UQCC1: variants seen among roughly 807,000 people sequenced by gnomAD.
UQCC1 encodes the protein ubiquinol-cytochrome c reductase complex assembly factor 1, also known as bFGF-repressed Zic-binding protein.
UQCC1 carries 38 observed loss-of-function variants against 48.0 expected under a neutral mutation model. The ratio of observed to expected loss-of-function variants is 0.79; its 90% CI spans 0.61 to 1.04. The LOEUF (loss-of-function observed/expected upper bound fraction) is 1.04, where lower values mean the gene tolerates loss of function less well. UQCC1 is among the 50% of genes least tolerant of loss of function. UQCC1 has a pLI of 0.00. For missense variants in UQCC1, 368 were observed against 381.8 expected, an observed-to-expected ratio of 0.96 and a Z score of 0.30; for synonymous variants, 111 against 129.2, an observed-to-expected ratio of 0.86 and a Z score of 0.95.
chr20:35,372,761 C>T (rs1391454858), intron 5 of UQCC1, among the ~76,000 whole-genome samples: 2 of 152,088 alleles, frequency 1.3e-5, no homozygotes, highest in East Asian at 3.9e-4. Flanking sequence ...CCCAGCTACT[C>T]AGGAGGCTGA....
At chr20:35,351,739 T>C (rs144144675) in intron 6 of UQCC1, among the ~76,000 whole-genome samples, 27 of 152,366 alleles carry the variant, frequency 1.8e-4, no homozygotes, top group African/African-American at 6.5e-4. Context: ...ATAAACTTTC[T>C]AACTGTATCA....
chr20:35,358,591 G>A (rs996551238), intron 6 of UQCC1, among the ~76,000 whole-genome samples: 25 of 152,162 alleles, frequency 1.6e-4, no homozygotes, highest in East Asian at 1.2e-3. Context: ...TCCCAAGTTT[G>A]ATGTGTCACC....
chr20:35,329,094 G>A (rs2061229075), intron 7 of UQCC1, among the ~76,000 whole-genome samples: 1 of 152,170 alleles, frequency 6.6e-6, no homozygotes, highest in Non-Finnish European at 1.5e-5. Context: ...ATTCAATATT[G>A]CCTTCATCAA....
At chr20:35,386,483 T>G in intron 2 of UQCC1, 1 of 401,146 alleles carries the variant, frequency 2.5e-6, no homozygotes. Context: ...AGGATTCTTC[T>G]GGTCAGTCCC....
chr20:35,332,176 G>A (rs940130883), intron 7 of UQCC1, among the ~76,000 whole-genome samples: 2 of 152,222 alleles, frequency 1.3e-5, no homozygotes, highest in African/African-American at 4.8e-5. Flanking sequence ...AGAACACACA[G>A]GGGCCCTCAC....
chr20:35,396,192 C>G (rs1054365471), intron 1 of UQCC1, among the ~76,000 whole-genome samples: 8 of 151,416 alleles, frequency 5.3e-5, no homozygotes, highest in African/African-American at 1.9e-4. Context: ...ACCATGTTGA[C>G]CAGGCTGGTC....
chr20:35,367,110 C>CAA (rs1338416461), intron 5 of UQCC1, among the ~76,000 whole-genome samples: 2 of 137,510 alleles, frequency 1.5e-5, no homozygotes, highest in Non-Finnish European at 3.1e-5. Context: ...AAAAAAAAAA[C>CAA]AAACAAAAAA....
chr20:35,358,248 G>A (rs372442937), intron 6 of UQCC1, among the ~76,000 whole-genome samples: 22 of 150,506 alleles, frequency 1.5e-4, no homozygotes, highest in Non-Finnish European at 2.4e-4. Context: ...CAGCTACTCC[G>A]GAGGCTGAGG....
chr20:35,373,671 G>A (rs796885288), intron 5 of UQCC1, among the ~76,000 whole-genome samples: 4 of 115,334 alleles, frequency 3.5e-5, no homozygotes, highest in African/African-American at 1.4e-4. Context: ...TGGGCTAATA[G>A]AGCAAGACTC....
In UQCC1 at chr20:35,402,909, AC is replaced by A. The variant is rs1445866872; in HGVS notation, c.25-8714del. ...AGTGAAACCCCATCTCTACTAAAATACAAAAAAATTAGCTGGGCATGAGGGC... is the reference window on the plus strand; with the variant it reads ...AGTGAAACCCCATCTCTACTAAAATAAAAAAAATTAGCTGGGCATGAGGGC... On this transcript the variant is annotated intron_variant, in intron 1 of 9. Coordinates refer to ENST00000374385, the MANE Select transcript of UQCC1 (RefSeq NM_018244.5). Among the ~76,000 whole-genome samples the A allele has an allele frequency of 5.3e-5, 8 of 151,354 alleles. No individual in the cohort carries two copies. The South Asian group carries it at 6.3e-4, about 12-fold the overall frequency.
chr20:35,381,136 A>G (rs10485509), intron 4 of UQCC1, among the ~76,000 whole-genome samples: 2 of 152,214 alleles, frequency 1.3e-5, no homozygotes, highest in African/African-American at 4.8e-5. Flanking sequence ...TATAGCCACT[A>G]CTATTATAAC....
intron 7 of UQCC1, among the ~76,000 whole-genome samples, chr20:35,341,637 A>G (rs951428000): frequency 9.9e-5 from 15 of 152,238 alleles, no homozygotes; most frequent in African/African-American, 2.9e-4. Context: ...GATACAAAAT[A>G]GAAAGAGTAA....
At chr20:35,310,507 A>G (rs2060977619) in intron 8 of UQCC1, among the ~76,000 whole-genome samples, 1 of 151,504 alleles carries the variant, frequency 6.6e-6, no homozygotes, top group Admixed American at 6.6e-5. Flanking sequence ...TTAGTCAAGC[A>G]TGGTGGCGCC....
intron 1 of UQCC1, among the ~76,000 whole-genome samples, chr20:35,402,220 A>T (rs1275947328): frequency 6.6e-6 from 1 of 152,108 alleles, no homozygotes; most frequent in Non-Finnish European, 1.5e-5. Flanking sequence ...AGGTGGGTGG[A>T]TCACTTGAGG....
chr20:35,319,847 C>T (rs1006604428), intron 7 of UQCC1, among the ~76,000 whole-genome samples: 1 of 152,186 alleles, frequency 6.6e-6, no homozygotes, highest in Non-Finnish European at 1.5e-5. Context: ...TCTCTTTCCC[C>T]TTTTCACTGT....
At chr20:35,370,295 C>T (rs887093223) in intron 5 of UQCC1, among the ~76,000 whole-genome samples, 8 of 151,450 alleles carry the variant, frequency 5.3e-5, no homozygotes, top group Non-Finnish European at 8.8e-5. Flanking sequence ...GATCCTCCTG[C>T]CTTGGCTTCC....
intron 5 of UQCC1, 111 bp downstream of exon 5, chr20:35,374,073 C>T: frequency 1.3e-6 from 1 of 757,700 alleles, no homozygotes; most frequent in Non-Finnish European, 2.2e-6. Context: ...ATGCTTTGTG[C>T]AGGAAAAACT....
chr20:35,399,150 C>T (rs375363999), intron 1 of UQCC1, among the ~76,000 whole-genome samples: 1 of 152,124 alleles, frequency 6.6e-6, no homozygotes, highest in African/African-American at 2.4e-5. Context: ...CAGGAACATT[C>T]CTAAAAGCAC....
At chr20:35,373,016 T>C (rs2061752552) in intron 5 of UQCC1, among the ~76,000 whole-genome samples, 2 of 152,226 alleles carry the variant, frequency 1.3e-5, no homozygotes, top group African/African-American at 4.8e-5. Context: ...GTATGCTGCT[T>C]TGAGGATGTG....
Sources: allele counts gnomAD v4.1 joint callset (sites outside exome capture counted in the v4.1 genomes callset), GRCh38; gene constraint gnomAD v4.1.1; transcripts MANE v1.5; gene names NCBI Gene and HGNC (gene_info 2026-07-23, HGNC 2026-07-21).